PPT1: variants seen among roughly 807,000 people sequenced by gnomAD.
PPT1 encodes the protein palmitoyl-protein thioesterase 1, also known as ceroid-palmitoyl-palmitoyl-protein thioesterase 1.
PPT1 carries 24 observed loss-of-function variants against 44.0 expected under a neutral mutation model. The ratio of observed to expected loss-of-function variants is 0.54; its 90% CI spans 0.39 to 0.77. The LOEUF is 0.77. Among genes scored for constraint, PPT1 ranks in the 30% least tolerant of loss-of-function variants. The probability of loss-of-function intolerance (pLI) is 0.00; values close to 1 mark genes in which losing one functional copy is unlikely to be tolerated. For missense variants in PPT1, 341 were observed against 378.8 expected (o/e 0.90, Z 0.83); for synonymous variants, 148 against 140.2 (o/e 1.06, Z -0.39).
chr1:40,072,330 T>C (rs1648221708), downstream of PPT1: 1 of 353,898 alleles, frequency 2.8e-6, no homozygotes. Context: ...CAGGTGCCTG[T>C]CACCTGTCTT....
At position 40,074,178 on chromosome 1, in the gene PPT1, G is replaced by A. The variant is rs1165273820; in HGVS notation, c.804C>T (p.Arg268=). ...CATTGTCCATTTCCTTTAGCCCCAG[G>A]CGGTCCTGCAGAAGGAAAGGCCATA... is the stretch of plus-strand genomic sequence containing the variant. The part of the protein sequence containing the change: ...LQETSLYTQD[R]LGLKEMDNAG... Residue 268 remains arginine, a synonymous_variant, in exon 9 of 9, where the codon CGC becomes CGT. Coordinates refer to ENST00000642050, the MANE Select transcript of PPT1 (RefSeq NM_000310.4). 3 of 1,614,120 alleles carry A rather than the reference G, an allele frequency of 1.9e-6. No individual in the cohort carries two copies. Among genetic ancestry groups the A allele is most frequent in the Non-Finnish European group, 1.7e-6 (2 of 1,180,018 alleles).
At chr1:40,074,689 G>A (rs553966365) in intron 8 of PPT1, among the ~76,000 whole-genome samples, 2 of 151,964 alleles carry the variant, frequency 1.3e-5, no homozygotes, top group African/African-American at 2.4e-5. Context: ...GGATGGTCTT[G>A]ATCTCCTGAC....
At chr1:40,076,969 AAAT>A in intron 7 of PPT1, 56 bp from the exon 8 acceptor site, 1 of 1,593,984 alleles carries the variant, frequency 6.3e-7, no homozygotes. Flanking sequence ...CATACTGCCA[AAAT>A]AATTTGAGAC....
rs1321890707 is a variant in PPT1, at chr1:40,076,869, G to T, written c.771C>A (p.Pro257=). Residue 257 remains proline (P), a synonymous_variant, in exon 8 of 9, where the codon CCC becomes CCA. Coordinates refer to ENST00000642050, the MANE Select transcript of PPT1 (RefSeq NM_000310.4). ...YRSGQAKETI[P]LQETSLYTQD... is the part of the protein sequence containing the mutation. ...GTGTGTACAGGGAGGTCTCCTGTAA[G>T]GGAATGGTTTCCTTGGCTTGGCCAC... The T allele has an allele frequency of 6.2e-7, 1 of 1,614,212 alleles. No homozygotes were observed. The highest frequency in any genetic ancestry group is 1.6e-4 in the Middle Eastern group (1 of 6,062).
intron 5 of PPT1, among the ~76,000 whole-genome samples, chr1:40,087,292 G>T (rs775910060): frequency 8.6e-5 from 13 of 151,556 alleles, no homozygotes; most frequent in Non-Finnish European, 1.3e-4. Context: ...ATCTAGGTTG[G>T]GGTGCAGTGG....
chr1:40,076,819 A>AAGAT lies in PPT1; in HGVS notation c.798+19_798+22dup, dbSNP rs1359971274. On this transcript the variant is annotated intron_variant, in intron 8 of 8. Coordinates refer to ENST00000642050, the MANE Select transcript of PPT1 (RefSeq NM_000310.4). The stretch of plus-strand genomic sequence containing the variant: ...GGAGCTGAAAAAACACCAACCTCCC[A>AAGAT]AGATAGACTCCCTGCCAGTTACCTG... 1.9e-6 allele frequency: 3 copies of AAGAT among 1,613,932 alleles called. No homozygotes were observed. In the African/African-American group the frequency reaches 4.0e-5, roughly 22 times the overall value.
chr1:40,079,638 T>A (rs1389769509), intron 6 of PPT1, among the ~76,000 whole-genome samples: 1 of 152,040 alleles, frequency 6.6e-6, no homozygotes, highest in African/African-American at 2.4e-5. Flanking sequence ...TCAAGTGATC[T>A]GCCCACCTCG....
intron 1 of PPT1, among the ~76,000 whole-genome samples, chr1:40,095,749 A>G (rs1350445627): frequency 6.6e-6 from 1 of 152,100 alleles, no homozygotes; most frequent in East Asian, 1.9e-4. Flanking sequence ...CCAAGTCATC[A>G]TCTCTTGTTT....
At chr1:40,072,251 G>GT (rs1648178560), downstream of PPT1, 29 of 241,196 alleles carry the variant, frequency 1.2e-4, no homozygotes, top group East Asian at 2.5e-4. Flanking sequence ...GACTTTAAAA[G>GT]GAAAAAAAAA....
Position 40,089,568 on chromosome 1 carries a change from A to G in PPT1, c.434-56T>C, listed in dbSNP as rs1570467451. ...TTCAATAATGATGTATCGAATACCC[A>G]CTATGCACAAGGCACTGTGAGAAAC... On this transcript the variant is annotated intron_variant, in intron 4 of 8. Transcript: ENST00000642050. The G allele has an allele frequency of 2.4e-6, 3 of 1,259,740 alleles. No individual in the cohort carries two copies. The East Asian group carries it at 6.9e-5, about 29-fold the overall frequency. 78.0% of individuals were successfully genotyped at this position (1,259,740 alleles called of 1,614,324 possible).
At chr1:40,078,784 G>T in intron 6 of PPT1, 126 bp from the exon 7 acceptor site, 1 of 795,354 alleles carries the variant, frequency 1.3e-6, no homozygotes, top group Non-Finnish European at 2.2e-6. Context: ...GGTATGGGCT[G>T]TTTTCCAGCT....
intron 1 of PPT1, chr1:40,096,758 G>A: frequency 3.4e-6 from 1 of 298,322 alleles, no homozygotes; most frequent in South Asian, 3.4e-5. Flanking sequence ...AATGTGTGAA[G>A]GAATAAATAA....
chr1:40,081,806 C>CA (rs1648957962), intron 5 of PPT1, among the ~76,000 whole-genome samples: 1 of 152,068 alleles, frequency 6.6e-6, no homozygotes, highest in South Asian at 2.1e-4. Flanking sequence ...AAAAGTTACC[C>CA]AAAATGTGGA....
chr1:40,080,466 C>T lies in PPT1; in HGVS notation c.558G>A (p.Trp186Ter), dbSNP rs386833656. The part of the protein sequence containing the change: ...VQERLVQAEY[W>*]HDPIKEDVYR... ...ACACATCCTCCTTTATGGGGTCATG[C>T]CAGTATTCGGCTTGCACGAGGCTGT... Residue 186 changes from tryptophan to a stop codon, truncating the protein, a stop_gained, in exon 6 of 9, where the codon TGG becomes TGA. Coordinates refer to ENST00000642050, the MANE Select transcript of PPT1 (RefSeq NM_000310.4). LOFTEE classifies it high-confidence loss of function. 2 of 1,613,880 alleles carry T rather than the reference C, an allele frequency of 1.2e-6. No individual in the cohort carries two copies. Among genetic ancestry groups the T allele is most frequent in the South Asian group, 2.2e-5 (2 of 91,076 alleles).
At chr1:40,078,493 T>C in intron 7 of PPT1, 67 bp downstream of exon 7, 1 of 1,488,374 alleles carries the variant, frequency 6.7e-7, no homozygotes, top group South Asian at 1.1e-5. Flanking sequence ...TGAGCCACCG[T>C]GCCCGGCCAG....
In PPT1 at chr1:40,072,961, G is replaced by A. The variant is rs1207775625; in HGVS notation, c.*1100C>T. 1 of 152,242 alleles carries A rather than the reference G, an allele frequency of 6.6e-6. No homozygotes were observed. The highest frequency in any genetic ancestry group is 1.5e-5 in the Non-Finnish European group (1 of 68,048). The allele number at this position is 152,242 out of a possible 1,614,324, so 9.4% of individuals were successfully genotyped here. On this transcript the variant is annotated 3_prime_UTR_variant, in exon 9 of 9. Transcript: ENST00000642050. ...TAAGTTTTCACAGAGTGGGGACTATGATTTCCATGCTCAAATAGTGTAGGA... is the reference window on the plus strand; with the variant it reads ...TAAGTTTTCACAGAGTGGGGACTATAATTTCCATGCTCAAATAGTGTAGGA...
chr1:40,074,761 ACC>A (rs1648524910), intron 8 of PPT1, among the ~76,000 whole-genome samples: 1 of 151,490 alleles, frequency 6.6e-6, no homozygotes, highest in South Asian at 2.1e-4. Context: ...GAGCCACCAC[ACC>A]CGGCCAGTTT....
intron 3 of PPT1, among the ~76,000 whole-genome samples, chr1:40,091,611 C>G (rs1456153530): frequency 6.6e-6 from 1 of 152,154 alleles, no homozygotes; most frequent in East Asian, 1.9e-4. Context: ...CACCTGTAAT[C>G]TCAGCACTTT....
chr1:40,077,954 G>A lies in PPT1; in HGVS notation c.726+606C>T, dbSNP rs372115291. ...AAGCTTAGGAATTTATATATTTTGG[G>A]CTAGTGATTCTGAACATTTTTTGGG... is the stretch of plus-strand genomic sequence containing the variant. On this transcript the variant is annotated intron_variant, in intron 7 of 8. Transcript: ENST00000642050. Among the ~76,000 whole-genome samples, 85 of 152,296 alleles carry A rather than the reference G, an allele frequency of 5.6e-4. 2 individuals are homozygous for A. In the South Asian group the frequency reaches 0.016, roughly 29 times the overall value.
Sources: allele counts gnomAD v4.1 joint callset (sites outside exome capture counted in the v4.1 genomes callset), GRCh38; gene constraint gnomAD v4.1.1; transcripts MANE v1.5; gene names NCBI Gene and HGNC (gene_info 2026-07-23, HGNC 2026-07-21).